The following GPC6 variants were observed in gnomAD, a reference collection of about 807,000 sequenced individuals.
The protein encoded by GPC6 is glypican-6.
In GPC6, 14 loss-of-function variants were observed where a neutral mutation model predicts 55.2. That is an observed-to-expected ratio of 0.25 (90% CI 0.17 to 0.40). The LOEUF is 0.40. Ranked by LOEUF, GPC6 falls within the 10% of genes least tolerant of loss-of-function variation. The pLI is 1.00. For synonymous variants in GPC6, 278 were observed against 259.6 expected (o/e 1.07, Z -0.68); for missense variants, 641 against 708.5 (o/e 0.90, Z 1.08).
At chr13:93,989,932 G>A (rs200613441) in intron 3 of GPC6, among the ~76,000 whole-genome samples, 142 of 146,108 alleles carry the variant, frequency 9.7e-4, no homozygotes, top group Non-Finnish European at 1.6e-3. Context: ...ATATATATAT[G>A]TATATATATA....
At chr13:93,225,997 C>T (rs551851994), upstream of GPC6, among the ~76,000 whole-genome samples, 1 of 152,296 alleles carries the variant, frequency 6.6e-6, no homozygotes, top group South Asian at 2.1e-4. Flanking sequence ...ATTAGCATAA[C>T]AAAGTCAATT....
intron 3 of GPC6, among the ~76,000 whole-genome samples, chr13:93,947,959 T>C (rs570526762): frequency 1.3e-5 from 2 of 152,302 alleles, no homozygotes; most frequent in Non-Finnish European, 2.9e-5. Flanking sequence ...TGTTTTTCAA[T>C]TTAAGTGACA....
chr13:94,009,164 C>G (rs1409959732), intron 3 of GPC6, among the ~76,000 whole-genome samples: 1 of 152,100 alleles, frequency 6.6e-6, no homozygotes, highest in African/African-American at 2.4e-5. Flanking sequence ...TAGGATTTCC[C>G]CCCTAATAGG....
At chr13:93,750,981 C>G (rs1346709644) in intron 2 of GPC6, among the ~76,000 whole-genome samples, 1 of 152,164 alleles carries the variant, frequency 6.6e-6, no homozygotes, top group Admixed American at 6.5e-5. Context: ...GGAGACAAAA[C>G]CAGTGTGCAA....
chr13:93,681,431 T>G (rs1484622623), intron 2 of GPC6, among the ~76,000 whole-genome samples: 1 of 152,088 alleles, frequency 6.6e-6, no homozygotes, highest in Non-Finnish European at 1.5e-5. Flanking sequence ...GGGGTATATG[T>G]TTGTGAATGC....
chr13:93,778,205 T>A (rs965575813), intron 2 of GPC6, among the ~76,000 whole-genome samples: 4 of 152,186 alleles, frequency 2.6e-5, no homozygotes, highest in African/African-American at 9.6e-5. Flanking sequence ...TTTGTTCTTT[T>A]TTGTGAATGT....
At chr13:93,545,527 T>C (rs1265787175) in intron 2 of GPC6, 106 bp downstream of exon 2, 1 of 926,078 alleles carries the variant, frequency 1.1e-6, no homozygotes. Flanking sequence ...TTTCTATCCC[T>C]CTTAAATATT....
At chr13:93,874,779 C>A (rs927432304) in intron 3 of GPC6, among the ~76,000 whole-genome samples, 1 of 151,784 alleles carries the variant, frequency 6.6e-6, no homozygotes, top group Non-Finnish European at 1.5e-5. Context: ...CTTCATATCT[C>A]CTAGTACCTG....
intron 4 of GPC6, among the ~76,000 whole-genome samples, chr13:94,153,737 A>G (rs1196563834): frequency 1.3e-5 from 2 of 152,224 alleles, no homozygotes; most frequent in African/African-American, 4.8e-5. Context: ...ACAAACTAGC[A>G]GCATCCGCAT....
chr13:94,137,879 ATAAACT>A (rs1190527593), intron 4 of GPC6, among the ~76,000 whole-genome samples: 1 of 152,204 alleles, frequency 6.6e-6, no homozygotes, highest in Admixed American at 6.5e-5. Flanking sequence ...TTTTAATCTG[ATAAACT>A]TAGGATAGGC....
intron 3 of GPC6, among the ~76,000 whole-genome samples, chr13:93,963,548 G>A (rs949060049): frequency 1.3e-5 from 2 of 152,268 alleles, no homozygotes; most frequent in Admixed American, 6.5e-5. Context: ...CAATATCAGT[G>A]CTGTTAATAA....
chr13:94,128,671 A>G (rs1241858445), intron 4 of GPC6, among the ~76,000 whole-genome samples: 3 of 152,174 alleles, frequency 2.0e-5, no homozygotes, highest in East Asian at 1.9e-4. Flanking sequence ...ACTTGGCCCT[A>G]TCTAACCACA....
At chr13:93,923,487 CA>C (rs5805836) in intron 3 of GPC6, among the ~76,000 whole-genome samples, 10 of 149,188 alleles carry the variant, frequency 6.7e-5, no homozygotes, top group Non-Finnish European at 1.2e-4. Flanking sequence ...AAAAATAAAG[CA>C]AAAAAAAAAA....
At chr13:94,401,114 T>C (rs981175354) in intron 8 of GPC6, among the ~76,000 whole-genome samples, 1 of 152,202 alleles carries the variant, frequency 6.6e-6, no homozygotes, top group African/African-American at 2.4e-5. Flanking sequence ...TGTATTTGTT[T>C]AAGTGAGGAA....
chr13:93,685,831 CACA>C (rs1420855906), intron 2 of GPC6, among the ~76,000 whole-genome samples: 1 of 152,086 alleles, frequency 6.6e-6, no homozygotes, highest in African/African-American at 2.4e-5. Flanking sequence ...TCCTTGCGTT[CACA>C]ACAACCCCAG....
intron 2 of GPC6, among the ~76,000 whole-genome samples, chr13:93,706,199 C>T (rs1882843640): frequency 6.6e-6 from 1 of 151,746 alleles, no homozygotes; most frequent in African/African-American, 2.4e-5. Flanking sequence ...GTGTGTCATA[C>T]AAGAAATACT....
chr13:93,385,559 A>G (rs1875363869), intron 1 of GPC6, among the ~76,000 whole-genome samples: 1 of 152,246 alleles, frequency 6.6e-6, no homozygotes, highest in Non-Finnish European at 1.5e-5. Flanking sequence ...CAGTAGGGGT[A>G]GAAAGAAGTG....
At chr13:93,369,235 G>A (rs572427853) in intron 1 of GPC6, among the ~76,000 whole-genome samples, 1 of 152,068 alleles carries the variant, frequency 6.6e-6, no homozygotes, top group South Asian at 2.1e-4. Flanking sequence ...TTGATGAAAA[G>A]CCAGAGATTG....
intron 1 of GPC6, among the ~76,000 whole-genome samples, chr13:93,462,175 A>G (rs778491241): frequency 2.2e-4 from 34 of 152,168 alleles, no homozygotes; most frequent in Non-Finnish European, 7.4e-5. Flanking sequence ...TTATTATGTC[A>G]TATCTGTTGG....
Sources: gnomAD v4.1 joint callset for allele counts (sites outside exome capture counted in the v4.1 genomes callset) on GRCh38, gnomAD v4.1.1 for gene constraint, MANE v1.5 for transcripts, NCBI Gene and HGNC (gene_info 2026-07-23, HGNC 2026-07-21) for gene names.